METTL15: variants seen among roughly 807,000 people sequenced by gnomAD.
METTL15 encodes the protein methyltransferase 15, mitochondrial 12S rRNA N4-cytidine, also known as 12S rRNA N(4)-cytidine methyltransferase METTL15.
A neutral mutation model predicts 38.3 loss-of-function variants in METTL15; 34 were observed. The ratio of observed to expected loss-of-function variants is 0.89; its 90% CI spans 0.68 to 1.18. The LOEUF (loss-of-function observed/expected upper bound fraction) is 1.18. Among genes scored for constraint, METTL15 ranks in the 50% most tolerant of loss-of-function variants. METTL15 has a pLI of 0.00. For synonymous variants in METTL15, 162 were observed against 170.9 expected, an observed-to-expected ratio of 0.95 and a Z score of 0.41; for missense variants, 438 against 498.4, an observed-to-expected ratio of 0.88 and a Z score of 1.15.
At chr11:28,219,774 T>C (rs1316070144) in intron 4 of METTL15, among the ~76,000 whole-genome samples, 1 of 152,320 alleles carries the variant, frequency 6.6e-6, no homozygotes, top group East Asian at 1.9e-4. Context: ...TTGTTCTCGT[T>C]GGTTTCAAAG....
At chr11:28,425,130 G>T (rs1483239112) in intron 6 of METTL15, among the ~76,000 whole-genome samples, 1 of 152,156 alleles carries the variant, frequency 6.6e-6, no homozygotes, top group Non-Finnish European at 1.5e-5. Flanking sequence ...AGGCAGATGG[G>T]CTGTAGGAAC....
intron 5 of METTL15, among the ~76,000 whole-genome samples, chr11:28,403,501 C>G (rs1442418471): frequency 2.6e-5 from 4 of 151,950 alleles, no homozygotes; most frequent in South Asian, 4.1e-4. Context: ...TTTGGGATTT[C>G]AATCTAGAAT....
At chr11:28,180,745 T>C (rs1314963464) in intron 3 of METTL15, among the ~76,000 whole-genome samples, 1 of 151,770 alleles carries the variant, frequency 6.6e-6, no homozygotes, top group Non-Finnish European at 1.5e-5. Context: ...ATGAAAAGAA[T>C]AGTATATTTG....
intron 5 of METTL15, among the ~76,000 whole-genome samples, chr11:28,386,540 A>C (rs1850442992): frequency 6.6e-6 from 1 of 152,046 alleles, no homozygotes; most frequent in Non-Finnish European, 1.5e-5. Flanking sequence ...ACAATAATAC[A>C]AACATGTCTG....
At chr11:28,142,910 G>A (rs187860781) in intron 3 of METTL15, among the ~76,000 whole-genome samples, 17 of 152,192 alleles carry the variant, frequency 1.1e-4, no homozygotes, top group Non-Finnish European at 2.1e-4. Flanking sequence ...GAAAGCAATT[G>A]TATTTATTGA....
intron 3 of METTL15, among the ~76,000 whole-genome samples, chr11:28,115,999 C>G (rs1851938665): frequency 1.3e-5 from 2 of 151,748 alleles, no homozygotes; most frequent in Admixed American, 6.6e-5. Flanking sequence ...CAGTGCACCA[C>G]AATCTCCTAA....
intron 4 of METTL15, among the ~76,000 whole-genome samples, chr11:28,224,710 C>T (rs756401953): frequency 1.3e-5 from 2 of 151,706 alleles, no homozygotes; most frequent in African/African-American, 2.4e-5. Flanking sequence ...TTCTTATATA[C>T]TCTTATCTAT....
In METTL15 at chr11:28,493,810, A is replaced by T. The variant is rs1270639212; in HGVS notation, c.*425-32668A>T. ...AGTGACATTATCTTGTTATCATTTG[A>T]TTCTATAAGTTTGTCCCATTCTCTG... On this transcript the variant is annotated intron_variant and NMD_transcript_variant, in intron 6 of 7. Transcript: ENST00000532947. 1.1e-4 allele frequency among the ~76,000 whole-genome samples: 17 copies of T among 152,304 alleles called. No homozygotes were observed. The East Asian group carries it at 3.3e-3, about 29-fold the overall frequency.
At chr11:28,325,401 A>G (rs1849602118) in intron 6 of METTL15, among the ~76,000 whole-genome samples, 3 of 152,236 alleles carry the variant, frequency 2.0e-5, no homozygotes, top group Admixed American at 1.3e-4. Flanking sequence ...AGCTTTGGGT[A>G]CATAGGTGCA....
In METTL15 at chr11:28,418,230, G is replaced by C. The variant is rs142939686; in HGVS notation, c.*359-6069G>C. ...ACTGGGAAACCAGACAATCACGCTC[G>C]TTAAACTTGTGCCTAAAATACAAGC... is the stretch of plus-strand genomic sequence containing the variant. On this transcript the variant is annotated intron_variant and NMD_transcript_variant, in intron 5 of 7. Coordinates refer to the METTL15 transcript ENST00000532947. 2.9e-4 allele frequency among the ~76,000 whole-genome samples: 44 copies of C among 152,238 alleles called. 1 individual carries two copies. In the East Asian group the frequency reaches 7.9e-3, roughly 27 times the overall value.
intron 4 of METTL15, among the ~76,000 whole-genome samples, chr11:28,224,652 TG>T (rs1205000655): frequency 6.6e-6 from 1 of 151,840 alleles, no homozygotes; most frequent in Admixed American, 6.6e-5. Flanking sequence ...TTTTATTGGT[TG>T]TAGGGTATTT....
At chr11:28,192,294 T>C (rs1303287475) in intron 3 of METTL15, among the ~76,000 whole-genome samples, 29 of 151,974 alleles carry the variant, frequency 1.9e-4, no homozygotes, top group Admixed American at 1.9e-3. Flanking sequence ...TATCTACTTA[T>C]TTTGGAATCA....
At chr11:28,511,837 C>G (rs1851676864) in intron 6 of METTL15, among the ~76,000 whole-genome samples, 1 of 152,218 alleles carries the variant, frequency 6.6e-6, no homozygotes, top group African/African-American at 2.4e-5. Flanking sequence ...CGGGTTGCCA[C>G]TGATGGCTCT....
chr11:28,481,067 A>G (rs1851391184), intron 6 of METTL15, among the ~76,000 whole-genome samples: 1 of 152,208 alleles, frequency 6.6e-6, no homozygotes, highest in Non-Finnish European at 1.5e-5. Context: ...TCATAATTTC[A>G]ATCTACTTGA....
chr11:28,162,585 A>G (rs948413392), intron 3 of METTL15, among the ~76,000 whole-genome samples: 1 of 152,174 alleles, frequency 6.6e-6, no homozygotes, highest in African/African-American at 2.4e-5. Flanking sequence ...TAAAATCATC[A>G]TAAGTTGAAG....
chr11:28,227,811 A>G (rs767116787), intron 4 of METTL15, among the ~76,000 whole-genome samples: 7 of 151,968 alleles, frequency 4.6e-5, no homozygotes, highest in Non-Finnish European at 7.4e-5. Context: ...AGTGAGATCA[A>G]TTAGAAGGCT....
intron 3 of METTL15, among the ~76,000 whole-genome samples, chr11:28,202,008 G>A (rs1400704050): frequency 6.6e-6 from 1 of 152,126 alleles, no homozygotes; most frequent in African/African-American, 2.4e-5. Flanking sequence ...TACCCATTAT[G>A]CCTAGAAGTT....
chr11:28,480,848 TG>T (rs1349618884), intron 6 of METTL15, among the ~76,000 whole-genome samples: 1 of 152,156 alleles, frequency 6.6e-6, no homozygotes, highest in African/African-American at 2.4e-5. Context: ...GAAAAGACAC[TG>T]GATTCAATTT....
At chr11:28,365,377 TCA>T (rs540325962) in intron 5 of METTL15, among the ~76,000 whole-genome samples, 53 of 152,322 alleles carry the variant, frequency 3.5e-4, no homozygotes, top group Non-Finnish European at 7.4e-4. Context: ...GTTCACGTTT[TCA>T]GTTTCTTCCT....
Sources: gnomAD v4.1 joint callset for allele counts (sites outside exome capture counted in the v4.1 genomes callset) on GRCh38, gnomAD v4.1.1 for gene constraint, MANE v1.5 for transcripts, NCBI Gene and HGNC (gene_info 2026-07-23, HGNC 2026-07-21) for gene names.